SAMMSON: variants seen among roughly 807,000 people sequenced by gnomAD.
SAMMSON encodes survival associated mitochondrial melanoma specific oncogenic non-coding RNA, also known as long intergenic non-protein coding RNA 1212.
rs150722216 is a variant in SAMMSON, at chr3:70,245,470, T to A, written n.508-3637T>A. On this transcript the variant is annotated intron_variant and non_coding_transcript_variant, in intron 4 of 9. Coordinates refer to ENST00000642114, the Ensembl canonical transcript of SAMMSON. The stretch of plus-strand genomic sequence containing the variant: ...AATATGATTAAGAAATAGCATATGG[T>A]CGATGGCCTCTTTAAATGACTTTGT... Among the ~76,000 whole-genome samples, 1,008 of 151,612 alleles carry A rather than the reference T, an allele frequency of 6.6e-3. 9 individuals carry two copies. Among genetic ancestry groups the A allele is most frequent in the African/African-American group, 0.022 (927 of 41,460 alleles).
chr3:70,368,933 T>G (rs898841715), intron 9 of SAMMSON, among the ~76,000 whole-genome samples: 1 of 151,680 alleles, frequency 6.6e-6, no homozygotes, highest in Non-Finnish European at 1.5e-5. Context: ...GTGTTGAAAC[T>G]GTAGATTGAT....
At chr3:70,049,974 C>T (rs2067140325) in intron 3 of SAMMSON, among the ~76,000 whole-genome samples, 1 of 151,962 alleles carries the variant, frequency 6.6e-6, no homozygotes, top group Non-Finnish European at 1.5e-5. Context: ...GAGTCACCTT[C>T]CAGGGAGACT....
intron 6 of SAMMSON, among the ~76,000 whole-genome samples, chr3:70,258,842 G>A (rs575222249): frequency 6.6e-6 from 1 of 152,050 alleles, no homozygotes; most frequent in East Asian, 1.9e-4. Context: ...GCTGAGAGCA[G>A]GTGATGACCC....
chr3:70,100,403 C>T (rs914700173), intron 4 of SAMMSON, among the ~76,000 whole-genome samples: 4 of 152,042 alleles, frequency 2.6e-5, no homozygotes, highest in Admixed American at 1.3e-4. Context: ...TTACCTTGGC[C>T]TCCCAAAGTG....
chr3:70,141,090 A>G (rs977540611), intron 4 of SAMMSON, among the ~76,000 whole-genome samples: 2 of 152,134 alleles, frequency 1.3e-5, no homozygotes, highest in Non-Finnish European at 1.5e-5. Flanking sequence ...GCATTACCCA[A>G]TTCCAAAGCT....
intron 4 of SAMMSON, among the ~76,000 whole-genome samples, chr3:70,226,343 A>T (rs1018148458): frequency 6.6e-6 from 1 of 152,202 alleles, no homozygotes; most frequent in East Asian, 1.9e-4. Flanking sequence ...TAACAGAGGC[A>T]CACACACAGC....
intron 2 of SAMMSON, among the ~76,000 whole-genome samples, chr3:70,404,627 G>A (rs920881326): frequency 1.3e-5 from 2 of 152,110 alleles, no homozygotes; most frequent in African/African-American, 4.8e-5. Flanking sequence ...TAACAGATTT[G>A]CATCCCTGTC....
chr3:70,218,743 A>G (rs1701436471), intron 4 of SAMMSON, among the ~76,000 whole-genome samples: 1 of 152,122 alleles, frequency 6.6e-6, no homozygotes, highest in South Asian at 2.1e-4. Flanking sequence ...GATTTGAGCT[A>G]TAACAATAAA....
intron 4 of SAMMSON, among the ~76,000 whole-genome samples, chr3:70,078,818 T>A (rs1329951504): frequency 6.6e-6 from 1 of 152,204 alleles, no homozygotes; most frequent in Admixed American, 6.5e-5. Flanking sequence ...AAATTTTATG[T>A]CCTGGGCAAC....
chr3:70,317,537 C>A (rs1702503635), intron 7 of SAMMSON, among the ~76,000 whole-genome samples: 2 of 151,614 alleles, frequency 1.3e-5, no homozygotes, highest in Admixed American at 6.6e-5. Context: ...GTGATATTCA[C>A]TCTGTTGCAG....
intron 3 of SAMMSON, among the ~76,000 whole-genome samples, chr3:70,047,293 A>G (rs1016975838): frequency 6.6e-6 from 1 of 151,914 alleles, no homozygotes; most frequent in Non-Finnish European, 1.5e-5. Flanking sequence ...CTCAGCAAAT[A>G]GTAGGTATTA....
At chr3:70,016,765 A>G (rs1035388303) in intron 3 of SAMMSON, among the ~76,000 whole-genome samples, 7 of 152,148 alleles carry the variant, frequency 4.6e-5, no homozygotes, top group African/African-American at 1.7e-4. Flanking sequence ...ATTTTTGTAT[A>G]AGGTGTAAGG....
chr3:70,150,460 C>T (rs1444134434), intron 4 of SAMMSON, among the ~76,000 whole-genome samples: 1 of 151,920 alleles, frequency 6.6e-6, no homozygotes, highest in Admixed American at 6.6e-5. Context: ...ATCACGTACC[C>T]CTTGAAATCT....
rs548500340 is a variant in SAMMSON, at chr3:70,241,049, C to G, written n.508-8058C>G. ...TTACACCTTGTAACCAATTTACTGT[C>G]ACAGTGTTTTTAGCCTGTGATGTGA... On this transcript the variant is annotated intron_variant and non_coding_transcript_variant, in intron 4 of 9. Coordinates refer to ENST00000642114, the Ensembl canonical transcript of SAMMSON. 3.9e-5 allele frequency among the ~76,000 whole-genome samples: 6 copies of G among 152,222 alleles called. No individual in the cohort carries two copies. In the East Asian group the frequency reaches 7.7e-4, roughly 20 times the overall value.
At chr3:70,061,401 C>A (rs182767969) in intron 3 of SAMMSON, among the ~76,000 whole-genome samples, 1 of 152,046 alleles carries the variant, frequency 6.6e-6, no homozygotes, top group Admixed American at 6.6e-5. Flanking sequence ...GTTTGGCCTG[C>A]GTAATGTTTA....
intron 4 of SAMMSON, among the ~76,000 whole-genome samples, chr3:70,108,211 A>G: frequency 6.6e-6 from 1 of 151,868 alleles, no homozygotes. Context: ...CTCTCTGTTA[A>G]TGTGAAGGCC....
chr3:70,244,450 G>A (rs538806439), intron 4 of SAMMSON, among the ~76,000 whole-genome samples: 3 of 152,122 alleles, frequency 2.0e-5, no homozygotes, highest in African/African-American at 4.8e-5. Flanking sequence ...GTAAAGGAAC[G>A]GAGTAATCAA....
chr3:70,167,106 C>T (rs949929946), intron 4 of SAMMSON, among the ~76,000 whole-genome samples: 1 of 152,004 alleles, frequency 6.6e-6, no homozygotes, highest in Admixed American at 6.6e-5. Context: ...ATTCTTTCCT[C>T]ATATAATCAG....
intron 3 of SAMMSON, among the ~76,000 whole-genome samples, chr3:70,040,448 A>G (rs1012644882): frequency 2.0e-5 from 3 of 152,172 alleles, no homozygotes; most frequent in Non-Finnish European, 4.4e-5. Context: ...TTGTATCAGG[A>G]AGTAAAGACT....
Sources: gnomAD v4.1 joint callset for allele counts (sites outside exome capture counted in the v4.1 genomes callset) on GRCh38, gnomAD v4.1.1 for gene constraint, MANE v1.5 for transcripts, NCBI Gene and HGNC (gene_info 2026-07-23, HGNC 2026-07-21) for gene names.